FMNL2: variants seen among roughly 807,000 people sequenced by gnomAD.
The protein encoded by FMNL2 is formin-like protein 2.
FMNL2 carries 51 observed loss-of-function variants against 130.2 expected under a neutral mutation model. The observed-to-expected ratio is 0.39, with a 90% CI of 0.31 to 0.49. The LOEUF (loss-of-function observed/expected upper bound fraction) is 0.49, where lower values mean the gene tolerates loss of function less well. Among genes scored for constraint, FMNL2 ranks in the 20% least tolerant of loss-of-function variants. The probability of loss-of-function intolerance (pLI) is 0.85; values close to 1 mark genes in which losing one functional copy is unlikely to be tolerated. For missense variants in FMNL2, 977 were observed against 1,316.2 expected, an observed-to-expected ratio of 0.74 and a Z score of 3.99; for synonymous variants, 465 against 467.1, an observed-to-expected ratio of 1.00 and a Z score of 0.06.
intron 9 of FMNL2, among the ~76,000 whole-genome samples, chr2:152,606,956 A>C (rs1413389043): frequency 7.3e-6 from 1 of 136,964 alleles, no homozygotes; most frequent in Non-Finnish European, 1.6e-5. Context: ...ATCTTTTTGC[A>C]TGTCTTTTTT....
chr2:152,427,215 A>C (rs1346276155), intron 1 of FMNL2, among the ~76,000 whole-genome samples: 1 of 152,228 alleles, frequency 6.6e-6, no homozygotes, highest in Non-Finnish European at 1.5e-5. Context: ...GAGGGAAACC[A>C]GATGGGAAGT....
rs114987979 is a variant in FMNL2 at position 152,499,431 on chromosome 2, T to C, written c.118-22512T>C. On this transcript the variant is annotated intron_variant, in intron 1 of 25. Transcript: ENST00000288670. The stretch of plus-strand genomic sequence containing the variant: ...AAGCTGAGTGTTTGGGTTGTTGTGA[T>C]TGCTGCTGTTGGGGATTTCATATAA... 8.0e-3 allele frequency among the ~76,000 whole-genome samples: 1,218 copies of C among 152,312 alleles called. 22 individuals are homozygous for C. Among genetic ancestry groups the C allele is most frequent in the African/African-American group, 0.028 (1,168 of 41,560 alleles).
chr2:152,602,066 T>A (rs1056805525), intron 9 of FMNL2, among the ~76,000 whole-genome samples: 1 of 152,228 alleles, frequency 6.6e-6, no homozygotes, highest in African/African-American at 2.4e-5. Flanking sequence ...CTGTGACTTA[T>A]AACCCAGGTT....
intron 1 of FMNL2, among the ~76,000 whole-genome samples, chr2:152,447,373 G>A (rs1298098245): frequency 2.0e-5 from 3 of 152,170 alleles, no homozygotes; most frequent in Non-Finnish European, 4.4e-5. Context: ...AAAGTTTTGG[G>A]ATTATTGGTG....
chr2:152,387,819 AAT>A (rs1491106387), intron 1 of FMNL2, among the ~76,000 whole-genome samples: 6 of 125,850 alleles, frequency 4.8e-5, no homozygotes, highest in African/African-American at 1.4e-4. Flanking sequence ...TTAAAAAAAA[AAT>A]TTTTTTTTTT....
At chr2:152,359,973 G>A (rs555667355) in intron 1 of FMNL2, among the ~76,000 whole-genome samples, 2 of 152,268 alleles carry the variant, frequency 1.3e-5, no homozygotes, top group African/African-American at 4.8e-5. Context: ...CTCTTTTGTC[G>A]AAGATAGTGA....
intron 7 of FMNL2, 88 bp from the exon 8 acceptor site, chr2:152,578,800 C>A: frequency 3.0e-6 from 3 of 997,494 alleles, no homozygotes; most frequent in Non-Finnish European, 4.5e-6. Context: ...GTAGATACTT[C>A]GGGTTTTTGG....
intron 9 of FMNL2, among the ~76,000 whole-genome samples, chr2:152,585,697 A>T (rs1030498203): frequency 6.6e-6 from 1 of 152,122 alleles, no homozygotes; most frequent in Admixed American, 6.5e-5. Context: ...ATAGCTAGCA[A>T]TCTGCTGGCT....
chr2:152,515,326 G>T (rs1692707481), intron 1 of FMNL2, among the ~76,000 whole-genome samples: 1 of 152,016 alleles, frequency 6.6e-6, no homozygotes, highest in Admixed American at 6.6e-5. Context: ...CCATGTATTT[G>T]TATCCTCACC....
At chr2:152,629,937 T>C (rs1411360400) in intron 20 of FMNL2, 32 bp downstream of exon 20, 1 of 1,567,724 alleles carries the variant, frequency 6.4e-7, no homozygotes, top group Non-Finnish European at 8.7e-7. Context: ...TGAGAGCTGT[T>C]TGAAGGACAG....
At chr2:152,646,523 C>T (rs1371062843) in intron 25 of FMNL2, among the ~76,000 whole-genome samples, 2 of 151,494 alleles carry the variant, frequency 1.3e-5, no homozygotes, top group African/African-American at 4.9e-5. Context: ...TCAAAAGAAG[C>T]CAGAAACCCT....
At chr2:152,542,416 A>G (rs1694360521) in intron 2 of FMNL2, among the ~76,000 whole-genome samples, 1 of 152,206 alleles carries the variant, frequency 6.6e-6, no homozygotes, top group African/African-American at 2.4e-5. Context: ...CACCATTCCT[A>G]GAATGGAAGC....
chr2:152,359,663 G>C (rs745876175), intron 1 of FMNL2, among the ~76,000 whole-genome samples: 3 of 151,998 alleles, frequency 2.0e-5, no homozygotes, highest in Non-Finnish European at 2.9e-5. Context: ...TGGTGGGAGA[G>C]ATTCTTAGTA....
intron 15 of FMNL2, chr2:152,625,138 C>G (rs943852283): frequency 3.3e-6 from 1 of 304,306 alleles, no homozygotes. Context: ...AACCATTGTC[C>G]TAATATTGTA....
chr2:152,373,748 G>C (rs1366955905), intron 1 of FMNL2, among the ~76,000 whole-genome samples: 3 of 150,070 alleles, frequency 2.0e-5, no homozygotes, highest in Admixed American at 6.7e-5. Flanking sequence ...TTGTATCCCT[G>C]CTTTGTTGAA....
intron 1 of FMNL2, among the ~76,000 whole-genome samples, chr2:152,465,503 C>A (rs1689480573): frequency 6.6e-6 from 1 of 152,196 alleles, no homozygotes; most frequent in African/African-American, 2.4e-5. Flanking sequence ...CCTTTAGTAT[C>A]TTGAATGAGG....
chr2:152,588,870 A>G (rs1697230146), intron 9 of FMNL2, among the ~76,000 whole-genome samples: 1 of 152,164 alleles, frequency 6.6e-6, no homozygotes, highest in African/African-American at 2.4e-5. Context: ...CTATTAATAA[A>G]GAATTTGCTC....
At chr2:152,534,207 T>C (rs951292548) in intron 2 of FMNL2, among the ~76,000 whole-genome samples, 5 of 152,214 alleles carry the variant, frequency 3.3e-5, no homozygotes, top group African/African-American at 1.2e-4. Context: ...CATGCTTTCT[T>C]TGCATGTATC....
chr2:152,589,533 CAG>C (rs1697267802), intron 9 of FMNL2, among the ~76,000 whole-genome samples: 1 of 152,160 alleles, frequency 6.6e-6, no homozygotes, highest in African/African-American at 2.4e-5. Context: ...GAACTTGAGA[CAG>C]AGACTGGTAC....
Sources: gnomAD v4.1 joint callset for allele counts (sites outside exome capture counted in the v4.1 genomes callset) on GRCh38, gnomAD v4.1.1 for gene constraint, MANE v1.5 for transcripts, NCBI Gene and HGNC (gene_info 2026-07-23, HGNC 2026-07-21) for gene names.